ZNF428: variants seen among roughly 807,000 people sequenced by gnomAD.
The protein encoded by ZNF428 is zinc finger protein 428, also known as enzyme-like protein PIT13.
A neutral mutation model predicts 15.6 loss-of-function variants in ZNF428; 5 were observed. The observed-to-expected ratio is 0.32, with a 90% CI of 0.17 to 0.67. The LOEUF is 0.67. Ranked by LOEUF, ZNF428 falls within the 30% of genes least tolerant of loss-of-function variation. The pLI, the probability that ZNF428 is intolerant of heterozygous loss-of-function variation, is 0.73. For missense variants in ZNF428, 237 were observed against 256.0 expected, an observed-to-expected ratio of 0.93 and a Z score of 0.51; for synonymous variants, 97 against 102.2, an observed-to-expected ratio of 0.95 and a Z score of 0.31.
chr19:43,613,369 T>C (rs949543576), intron 2 of ZNF428: 4 of 1,548,978 alleles, frequency 2.6e-6, no homozygotes, highest in Admixed American at 2.0e-5. Context: ...GCAGCCGATC[T>C]AGAAGTCCCT....
Position 43,607,715 on chromosome 19 carries a change from C to T in ZNF428, c.469G>A (p.Glu157Lys). ...TCCGTACAGTGGTAGGTTCCCTCCT[C>T]CTCCTCTTCCTCCTCCTCCTCCCGC... ...AGREEEEEEE[E>K]EGTYHCTECE... Residue 157 changes from glutamate (E) to lysine (K), a missense_variant, in exon 3 of 3, where the codon GAG becomes AAG. Transcript: ENST00000300811. This position sits in a 1 kb window ranked among gnomAD's most constrained non-coding sequence, Gnocchi z 5.1. The T allele has an allele frequency of 6.2e-7, 1 of 1,613,784 alleles. No homozygotes were observed. Among genetic ancestry groups the T allele is most frequent in the Non-Finnish European group, 8.5e-7 (1 of 1,179,758 alleles).
chr19:43,612,254 G>C lies in ZNF428; in HGVS notation c.76+1975C>G, dbSNP rs904647693. 4 of 1,551,494 alleles carry C rather than the reference G, an allele frequency of 2.6e-6. No homozygotes were observed. The Admixed American group carries it at 5.9e-5, about 23-fold the overall frequency. ...ATCAGCAACACCCAACAGATCCTTAGTGCCCACCAAACCAGCGACATCCCG... is the reference window on the plus strand; with the variant it reads ...ATCAGCAACACCCAACAGATCCTTACTGCCCACCAAACCAGCGACATCCCG... On this transcript the variant is annotated intron_variant, in intron 2 of 2. Coordinates refer to ENST00000300811, the MANE Select transcript of ZNF428 (RefSeq NM_182498.4). This position sits in a 1 kb window ranked among gnomAD's most constrained non-coding sequence, Gnocchi z 4.2.
In ZNF428 at chr19:43,612,908, T is replaced by C; in HGVS notation, c.76+1321A>G. ...AAAGAGTTACAGCCCCACTGAAATG[T>C]CCAGCAGGGTCAAGAGTTATAACCA... On this transcript the variant is annotated intron_variant, in intron 2 of 2. Coordinates refer to ENST00000300811, the MANE Select transcript of ZNF428 (RefSeq NM_182498.4). This position sits in a 1 kb window ranked among gnomAD's most constrained non-coding sequence, Gnocchi z 4.2. The C allele has an allele frequency of 6.4e-7, 1 of 1,551,550 alleles. No individual in the cohort carries two copies. Among genetic ancestry groups the C allele is most frequent in the South Asian group, 1.2e-5 (1 of 84,048 alleles).
In ZNF428 at chr19:43,612,457, C is replaced by A. The variant is rs201742640; in HGVS notation, c.76+1772G>T. 2,811 of 1,551,458 alleles carry A rather than the reference C, an allele frequency of 1.8e-3. 6 individuals carry two copies. Among genetic ancestry groups the A allele is most frequent in the Middle Eastern group, 5.0e-3 (30 of 5,992 alleles). On this transcript the variant is annotated intron_variant, in intron 2 of 2. Transcript: ENST00000300811. This position sits in a 1 kb window ranked among gnomAD's most constrained non-coding sequence, Gnocchi z 4.2. ...GCAAGGCCAGCGACGTGAGATGCCA[C>A]CAGCGGAGGGGCACACACAGCCGGG...
At chr19:43,613,501 T>TCG in intron 2 of ZNF428, 2 of 1,545,742 alleles carry the variant, frequency 1.3e-6, no homozygotes, top group Non-Finnish European at 1.7e-6. Flanking sequence ...AGGCAAGAGA[T>TCG]CATAGCCGAT....
At position 43,613,637 on chromosome 19, in the gene ZNF428, G is replaced by C. The variant is rs1037957980; in HGVS notation, c.76+592C>G. The C allele has an allele frequency of 4.5e-6, 7 of 1,548,762 alleles. No individual in the cohort carries two copies. The East Asian group carries it at 9.8e-5, about 22-fold the overall frequency. On this transcript the variant is annotated intron_variant, in intron 2 of 2. Transcript: ENST00000300811. ...CAGACGATCTAGAAGCCCCAGCAAGGAGAGACAGTGCAGACAATCTAGAAG... is the reference window on the plus strand; with the variant it reads ...CAGACGATCTAGAAGCCCCAGCAAGCAGAGACAGTGCAGACAATCTAGAAG...
Position 43,607,601 on chromosome 19 carries a change from C to T in ZNF428, c.*16G>A, listed in dbSNP as rs371449917. 75 of 1,556,812 alleles carry T rather than the reference C, an allele frequency of 4.8e-5. No individual in the cohort carries two copies. The highest frequency in any genetic ancestry group is 3.7e-4 in the African/African-American group (27 of 73,660). ...ACCCCACCCCTTCTGCCAAGCTCCC[C>T]GTATGGGGGCTCTGCCTACACCTCA... On this transcript the variant is annotated 3_prime_UTR_variant, in exon 3 of 3. Coordinates refer to ENST00000300811, the MANE Select transcript of ZNF428 (RefSeq NM_182498.4). This position sits in a 1 kb window ranked among gnomAD's most constrained non-coding sequence, Gnocchi z 5.1.
At position 43,607,536 on chromosome 19, in the gene ZNF428, A is replaced by C; in HGVS notation, c.*81T>G. The C allele has an allele frequency of 6.8e-7, 1 of 1,462,414 alleles. No individual in the cohort carries two copies. The highest frequency in any genetic ancestry group is 9.1e-7 in the Non-Finnish European group (1 of 1,093,872). The allele number at this position is 1,462,414 out of a possible 1,614,324, so 90.6% of individuals were successfully genotyped here. On this transcript the variant is annotated 3_prime_UTR_variant, in exon 3 of 3. Transcript: ENST00000300811. This position sits in a 1 kb window ranked among gnomAD's most constrained non-coding sequence, Gnocchi z 5.1. ...GACCGGCAGTACCCCATCCCCCATG[A>C]CCACTGTCACAACCCCAATTTCCTC...
At chr19:43,616,799 T>C (rs571625510) in intron 1 of ZNF428, among the ~76,000 whole-genome samples, 1 of 151,248 alleles carries the variant, frequency 6.6e-6, no homozygotes, top group East Asian at 1.9e-4. Context: ...CTGTCAAGAA[T>C]GTCCTCCTCC....
rs752030651 is a variant in ZNF428, at chr19:43,612,636, G to A, written c.76+1593C>T. The stretch of plus-strand genomic sequence containing the variant: ...CAGCAAAAAGGGAGCCGGGGAAAGA[G>A]TTACGGCCGGCCTAGAACCAGCAAC... On this transcript the variant is annotated intron_variant, in intron 2 of 2. Transcript: ENST00000300811. The surrounding 1 kb of genome is among the most constrained non-coding windows in gnomAD (Gnocchi z 4.2). 1 of 1,551,472 alleles carries A rather than the reference G, an allele frequency of 6.4e-7. No homozygotes were observed. The highest frequency in any genetic ancestry group is 1.2e-5 in the South Asian group (1 of 84,064).
rs1237038662 is a variant in ZNF428 at position 43,619,107 on chromosome 19, CAA to C, written c.-131+449_-131+450del. ...ATAGGCACCCGTTCCAATGCTCGAG[CAA>C]AGAGACCAGGGCAAAACCTTCCACT... On this transcript the variant is annotated intron_variant, in intron 1 of 2. Coordinates refer to ENST00000300811, the MANE Select transcript of ZNF428 (RefSeq NM_182498.4). Among the ~76,000 whole-genome samples, 19 of 152,300 alleles carry C rather than the reference CAA, an allele frequency of 1.2e-4. No homozygotes were observed. In the South Asian group the frequency reaches 3.9e-3, roughly 32 times the overall value.
chr19:43,615,944 C>T (rs1264000883), intron 1 of ZNF428, among the ~76,000 whole-genome samples: 2 of 152,136 alleles, frequency 1.3e-5, no homozygotes, highest in Non-Finnish European at 2.9e-5. Context: ...TTTAAGACAG[C>T]AGCATTGGGC....
In ZNF428 at chr19:43,612,330, C is replaced by T. The variant is rs1027952474; in HGVS notation, c.76+1899G>A. 7.1e-6 allele frequency: 11 copies of T among 1,551,550 alleles called. No homozygotes were observed. The highest frequency in any genetic ancestry group is 9.6e-6 in the Non-Finnish European group (11 of 1,147,008). On this transcript the variant is annotated intron_variant, in intron 2 of 2. Coordinates refer to ENST00000300811, the MANE Select transcript of ZNF428 (RefSeq NM_182498.4). The surrounding 1 kb of genome is among the most constrained non-coding windows in gnomAD (Gnocchi z 4.2). ...TCCAAGTCCACCAAATCGACCAGTA[C>T]AAAAAGAGCCCCTTCTAACCGGCCC...
chr19:43,614,962 G>A (rs1973357206), intron 1 of ZNF428, among the ~76,000 whole-genome samples: 2 of 152,050 alleles, frequency 1.3e-5, no homozygotes, highest in Admixed American at 1.3e-4. Context: ...TATTCAGTGG[G>A]GTAGGGAGAG....
chr19:43,609,359 G>GGAGA (rs55665674), intron 2 of ZNF428, among the ~76,000 whole-genome samples: 102 of 81,868 alleles, frequency 1.2e-3, no homozygotes, highest in African/African-American at 3.6e-3. Context: ...CTGTGGCCAT[G>GGAGA]GAGAGAGAGA....
At chr19:43,614,080 G>A in intron 2 of ZNF428, 149 bp downstream of exon 2, 1 of 1,563,110 alleles carries the variant, frequency 6.4e-7, no homozygotes, top group East Asian at 2.4e-5. Flanking sequence ...CCGACTGGAA[G>A]AGATCCCCTA....
intron 1 of ZNF428, among the ~76,000 whole-genome samples, chr19:43,618,485 C>T (rs976617580): frequency 6.6e-6 from 1 of 151,522 alleles, no homozygotes; most frequent in Non-Finnish European, 1.5e-5. Context: ...CCTCAAACTC[C>T]TGTGCTCAAG....
At chr19:43,614,756 G>A (rs542692562) in intron 1 of ZNF428, among the ~76,000 whole-genome samples, 17 of 152,110 alleles carry the variant, frequency 1.1e-4, no homozygotes, top group Admixed American at 4.6e-4. Flanking sequence ...GCGTCCTCAC[G>A]CCCGGCTAAT....
intron 1 of ZNF428, among the ~76,000 whole-genome samples, chr19:43,618,566 C>CTTTTTTT (rs551668437): frequency 1.0e-4 from 10 of 98,350 alleles, no homozygotes; most frequent in African/African-American, 2.6e-4. Context: ...TTAATTTTTA[C>CTTTTTTT]TTTTTTTTTT....
Sources: gnomAD v4.1 joint callset for allele counts (sites outside exome capture counted in the v4.1 genomes callset) on GRCh38, gnomAD v4.1.1 for gene constraint, Gnocchi (gnomAD v3.1) non-coding constraint, MANE v1.5 for transcripts, NCBI Gene and HGNC (gene_info 2026-07-23, HGNC 2026-07-21) for gene names.